FAM135B: variants seen among roughly 807,000 people sequenced by gnomAD.
FAM135B encodes protein FAM135B.
A neutral mutation model predicts 127.7 loss-of-function variants in FAM135B; 43 were observed. The observed-to-expected ratio is 0.34, with a 90% confidence interval of 0.26 to 0.43. The LOEUF (loss-of-function observed/expected upper bound fraction) is 0.43, where lower values mean the gene tolerates loss of function less well. Among genes scored for constraint, FAM135B ranks in the 20% least tolerant of loss-of-function variants. The pLI is 1.00. For synonymous variants in FAM135B, 670 were observed against 665.1 expected, an observed-to-expected ratio of 1.01 and a Z score of -0.11; for missense variants, 1,558 against 1,725.6, an observed-to-expected ratio of 0.90 and a Z score of 1.72.
chr8:138,483,775 A>G (rs978492186), intron 1 of FAM135B, among the ~76,000 whole-genome samples: 9 of 152,186 alleles, frequency 5.9e-5, no homozygotes, highest in Middle Eastern at 3.2e-3. Flanking sequence ...CCTCAATTGC[A>G]TTCCACTGGG....
rs563418754 is a variant in FAM135B at position 138,462,118 on chromosome 8, A to G, written c.-20+34553T>C. The stretch of plus-strand genomic sequence containing the variant: ...CTTCCAGAAACAAAGTAGAAATGAG[A>G]AGAAAAAGAAAGAAAACAAAGTATT... On this transcript the variant is annotated intron_variant, in intron 1 of 19. Coordinates refer to ENST00000395297, the MANE Select transcript of FAM135B (RefSeq NM_015912.4). Among the ~76,000 whole-genome samples, 102 of 152,320 alleles carry G rather than the reference A, an allele frequency of 6.7e-4. 1 individual carries two copies. The highest frequency in any genetic ancestry group is 2.2e-3 in the African/African-American group (90 of 41,564).
intron 1 of FAM135B, among the ~76,000 whole-genome samples, chr8:138,397,306 T>A (rs1309690979): frequency 2.0e-5 from 3 of 152,192 alleles, no homozygotes; most frequent in Non-Finnish European, 4.4e-5. Context: ...CTGTGTTGCA[T>A]GATTTTATGT....
chr8:138,210,089 C>T, intron 7 of FAM135B, among the ~76,000 whole-genome samples: 1 of 152,166 alleles, frequency 6.6e-6, no homozygotes, highest in Non-Finnish European at 1.5e-5. Flanking sequence ...AGAGGCTAGT[C>T]CAAGATCATC....
rs1818358087 is a variant in FAM135B at position 138,153,265 on chromosome 8, T to C, written c.1259-49A>G. 2.1e-6 allele frequency: 3 copies of C among 1,396,612 alleles called. No homozygotes were observed. The South Asian group carries it at 4.5e-5, about 21-fold the overall frequency. 86.5% of individuals were successfully genotyped at this position (1,396,612 alleles called of 1,614,324 possible). ...TTATATTATAGTGTAAGAATCTGTG[T>C]TTACAAGTTATCCAAATGTCTAACT... On this transcript the variant is annotated intron_variant, in intron 12 of 19. Transcript: ENST00000395297.
At chr8:138,207,673 T>C (rs1817807689) in intron 7 of FAM135B, among the ~76,000 whole-genome samples, 2 of 152,198 alleles carry the variant, frequency 1.3e-5, no homozygotes, top group African/African-American at 4.8e-5. Flanking sequence ...GTGAGAAGGC[T>C]AATTTTCCAC....
intron 2 of FAM135B, among the ~76,000 whole-genome samples, chr8:138,350,497 AACAC>A (rs59686476): frequency 0.036 from 5,387 of 148,132 alleles, 170 homozygotes; most frequent in East Asian, 0.18. Context: ...GGTTTTCTAC[AACAC>A]ACACACACAC....
intron 7 of FAM135B, among the ~76,000 whole-genome samples, chr8:138,221,632 A>T (rs180865197): frequency 6.0e-4 from 91 of 152,314 alleles, no homozygotes; most frequent in African/African-American, 1.7e-3. Context: ...GAATTAACTG[A>T]CGTATCAGAA....
chr8:138,198,061 C>G (rs975420963), intron 7 of FAM135B, among the ~76,000 whole-genome samples: 2 of 152,232 alleles, frequency 1.3e-5, no homozygotes, highest in African/African-American at 4.8e-5. Flanking sequence ...CCACCCAAGT[C>G]TCACCTTGAA....
At chr8:138,497,443 C>A (rs1815440804), upstream of FAM135B, among the ~76,000 whole-genome samples, 1 of 152,000 alleles carries the variant, frequency 6.6e-6, no homozygotes, top group African/African-American at 2.4e-5. Context: ...CATGCTCAGT[C>A]CCCGCGGCGG....
chr8:138,469,558 T>C (rs1837565252), intron 1 of FAM135B, among the ~76,000 whole-genome samples: 1 of 152,124 alleles, frequency 6.6e-6, no homozygotes, highest in African/African-American at 2.4e-5. Context: ...GCTCACCTAT[T>C]ACAACTGGAC....
intron 12 of FAM135B, among the ~76,000 whole-genome samples, chr8:138,161,371 C>T (rs1563710944): frequency 6.7e-6 from 1 of 148,322 alleles, no homozygotes; most frequent in Non-Finnish European, 1.5e-5. Context: ...CTTTCTCTTT[C>T]TCTCTGCCTC....
At chr8:138,165,234 C>T (rs1302405874) in intron 12 of FAM135B, among the ~76,000 whole-genome samples, 1 of 151,818 alleles carries the variant, frequency 6.6e-6, no homozygotes, top group Non-Finnish European at 1.5e-5. Context: ...GATTCTCCTG[C>T]CTCAGCCTCC....
intron 7 of FAM135B, among the ~76,000 whole-genome samples, chr8:138,219,468 C>T (rs986567183): frequency 1.3e-5 from 2 of 152,142 alleles, no homozygotes; most frequent in Non-Finnish European, 2.9e-5. Flanking sequence ...CCAATAAATG[C>T]CCAGAACCCC....
At chr8:138,163,274 T>G (rs568056828) in intron 12 of FAM135B, among the ~76,000 whole-genome samples, 1 of 152,266 alleles carries the variant, frequency 6.6e-6, no homozygotes, top group South Asian at 2.1e-4. Context: ...AATCTGACAA[T>G]CTGGCTAACT....
intron 1 of FAM135B, among the ~76,000 whole-genome samples, chr8:138,368,716 G>C (rs1406227677): frequency 6.6e-6 from 1 of 152,050 alleles, no homozygotes; most frequent in Admixed American, 6.5e-5. Context: ...GTTACTGGGG[G>C]TCAGTAACAA....
intron 9 of FAM135B, among the ~76,000 whole-genome samples, chr8:138,187,047 A>G: frequency 6.6e-6 from 1 of 152,164 alleles, no homozygotes; most frequent in East Asian, 1.9e-4. Flanking sequence ...CTGGTGAACC[A>G]TGGGCAGGGA....
chr8:138,163,105 A>G (rs530148801), intron 12 of FAM135B, among the ~76,000 whole-genome samples: 4 of 152,338 alleles, frequency 2.6e-5, no homozygotes, highest in African/African-American at 9.6e-5. Context: ...GTGTTAGTTA[A>G]CGTGCATTCA....
At chr8:138,237,150 A>ATTTTT (rs10604150) in intron 7 of FAM135B, among the ~76,000 whole-genome samples, 271 of 101,310 alleles carry the variant, frequency 2.7e-3, no homozygotes, top group East Asian at 9.2e-3. Context: ...TGGATCCTTG[A>ATTTTT]TTTTTTTTTT....
intron 3 of FAM135B, among the ~76,000 whole-genome samples, chr8:138,306,229 G>A: frequency 6.6e-6 from 1 of 152,036 alleles, no homozygotes; most frequent in East Asian, 1.9e-4. Context: ...GAGGTCAGGA[G>A]TGCAAGACCA....
Sources: gnomAD v4.1 joint callset for allele counts (sites outside exome capture counted in the v4.1 genomes callset) on GRCh38, gnomAD v4.1.1 for gene constraint, MANE v1.5 for transcripts, NCBI Gene and HGNC (gene_info 2026-07-23, HGNC 2026-07-21) for gene names.